The following CCDC80 variants were observed in gnomAD, a reference collection of about 807,000 sequenced individuals.
The protein encoded by CCDC80 is coiled-coil domain containing 80, also known as coiled-coil domain-containing protein 80.
In CCDC80, 49 loss-of-function variants were observed where a neutral mutation model predicts 78.7. The observed-to-expected ratio is 0.62, with a 90% CI of 0.50 to 0.79. The LOEUF (loss-of-function observed/expected upper bound fraction) is 0.79, where lower values mean the gene tolerates loss of function less well. CCDC80 is among the 30% of genes least tolerant of loss of function. The pLI is 0.00. For synonymous variants in CCDC80, 488 were observed against 447.0 expected (o/e 1.09, Z -1.16); for missense variants, 1,205 against 1,198.6 (o/e 1.01, Z -0.08).
chr3:112,631,820 T>C (rs1329239289), intron 2 of CCDC80, among the ~76,000 whole-genome samples: 2 of 152,208 alleles, frequency 1.3e-5, no homozygotes, highest in African/African-American at 4.8e-5. Context: ...CTCAAGGAAA[T>C]TAAACGTGTT....
In CCDC80 at chr3:112,638,893, G is replaced by T; in HGVS notation, c.1013C>A (p.Ala338Glu). 6.2e-7 allele frequency: 1 copy of T among 1,613,572 alleles called. No individual in the cohort carries two copies. The highest frequency in any genetic ancestry group is 8.5e-7 in the Non-Finnish European group (1 of 1,179,994). Residue 338 changes from alanine to glutamate, a missense_variant, in exon 2 of 8, where the codon GCA becomes GAA. By Grantham distance (107) the Ala-to-Glu change is moderately radical. Coordinates refer to ENST00000206423, the MANE Select transcript of CCDC80 (RefSeq NM_199511.3). The stretch of plus-strand genomic sequence containing the variant: ...TGAGGGAGGTTGGGGCAAAGCTGGT[G>T]CAGTGGCGGCCAGTTTTCTCAGGAC... ...VKVLRKLAAT[A>E]PALPQPPSTP...
rs1252338194 is a variant in CCDC80 at position 112,601,114 on chromosome 3, C to CTT, written c.*4302_*4303insAA. The CTT allele has an allele frequency of 2.0e-5, 3 of 152,220 alleles. No homozygotes were observed. The highest frequency in any genetic ancestry group is 6.5e-5 in the Admixed American group (1 of 15,292). 9.4% of individuals were successfully genotyped at this position (152,220 alleles called of 1,614,324 possible). A position where few individuals can be genotyped will look rare whatever the true frequency, so the allele number is the denominator to read the frequency against. ...CTAAAGTCACTTGAGCTTTCTGGAGCTCAGTTACCTGTAAAACAAGGAAGA... is the reference window on the plus strand; with the variant it reads ...CTAAAGTCACTTGAGCTTTCTGGAGCTTTCAGTTACCTGTAAAACAAGGAAGA... On this transcript the variant is annotated 3_prime_UTR_variant, in exon 8 of 8. Coordinates refer to ENST00000206423, the MANE Select transcript of CCDC80 (RefSeq NM_199511.3).
intron 3 of CCDC80, among the ~76,000 whole-genome samples, chr3:112,629,599 T>C (rs1936054051): frequency 1.3e-5 from 2 of 152,318 alleles, no homozygotes; most frequent in South Asian, 2.1e-4. Flanking sequence ...CAAAAGGACT[T>C]GGGTGCAGTT....
At chr3:112,629,237 A>T (rs1363689540) in intron 3 of CCDC80, among the ~76,000 whole-genome samples, 1 of 151,916 alleles carries the variant, frequency 6.6e-6, no homozygotes, top group East Asian at 1.9e-4. Context: ...TACGGAAACT[A>T]TGCAGAATAT....
intron 2 of CCDC80, among the ~76,000 whole-genome samples, chr3:112,631,645 C>T (rs1936101646): frequency 6.6e-6 from 1 of 152,090 alleles, no homozygotes; most frequent in Non-Finnish European, 1.5e-5. Flanking sequence ...TTTCAGAGGG[C>T]AAATCACCAG....
rs1466978018 is a variant in CCDC80, at chr3:112,599,178, T to C, written c.*6239A>G. 6.6e-6 allele frequency: 1 copy of C among 152,188 alleles called. No individual in the cohort carries two copies. Among genetic ancestry groups the C allele is most frequent in the Non-Finnish European group, 1.5e-5 (1 of 68,052 alleles). 9.4% of individuals were successfully genotyped at this position (152,188 alleles called of 1,614,324 possible). On this transcript the variant is annotated 3_prime_UTR_variant, in exon 8 of 8. Transcript: ENST00000206423. ...ACCTCCAGTCACACAGGTAAGTACA[T>C]GGCAGGGCAAGGACAGGCACCCAGT...
At chr3:112,611,875 G>T (rs1576781811) in intron 5 of CCDC80, among the ~76,000 whole-genome samples, 1 of 152,148 alleles carries the variant, frequency 6.6e-6, no homozygotes, top group African/African-American at 2.4e-5. Flanking sequence ...AGCATCAGGA[G>T]TGAACATGAG....
At chr3:112,625,565 T>C (rs943007510) in intron 3 of CCDC80, among the ~76,000 whole-genome samples, 2 of 152,164 alleles carry the variant, frequency 1.3e-5, no homozygotes, top group Non-Finnish European at 2.9e-5. Flanking sequence ...AATTTTTTGA[T>C]AAGAAATGGG....
At chr3:112,629,734 TC>T (rs1016799829) in intron 3 of CCDC80, among the ~76,000 whole-genome samples, 2 of 152,156 alleles carry the variant, frequency 1.3e-5, no homozygotes, top group Admixed American at 6.6e-5. Context: ...CTGTGATGAG[TC>T]ACCTGCAGCG....
Position 112,638,999 on chromosome 3 carries a change from T to G in CCDC80, c.907A>C (p.Arg303=). 1 of 1,611,414 alleles carries G rather than the reference T, an allele frequency of 6.2e-7. No homozygotes were observed. The highest frequency in any genetic ancestry group is 8.5e-7 in the Non-Finnish European group (1 of 1,180,000). Residue 303 remains arginine (R), a synonymous_variant, in exon 2 of 8, where the codon AGG becomes CGG. Transcript: ENST00000206423. The part of the protein sequence containing the change: ...EGNDGGGGAG[R]PSLGSEKKKE... ...TTCTTCTCGCTGCCCAGGCTTGGCC[T>G]TCCTGCTCCCCCTCCACCGTCATTC...
intron 5 of CCDC80, 195 bp from the exon 6 acceptor site, chr3:112,610,276 A>C (rs1559875041): frequency 3.4e-6 from 2 of 593,116 alleles, no homozygotes; most frequent in African/African-American, 3.7e-5. Context: ...TTCTGTTGTA[A>C]CTTCACAGTC....
chr3:112,639,107 G>T lies in CCDC80; in HGVS notation c.799C>A (p.Arg267Ser), dbSNP rs1177012762. Residue 267 changes from arginine to serine, a missense_variant, in exon 2 of 8, where the codon CGT becomes AGT. By Grantham distance (110) the Arg-to-Ser change is moderately radical. Transcript: ENST00000206423. ...MYEVIDQGPI[R>S]RIEKIRQKGF... Reference sequence around the variant, plus strand: ...TTCTGCCTGATCTTCTCGATCCTACGGATGGGGCCTTGGTCGATGACCTCG... The same window carrying T: ...TTCTGCCTGATCTTCTCGATCCTACTGATGGGGCCTTGGTCGATGACCTCG... 2 of 1,614,054 alleles carry T rather than the reference G, an allele frequency of 1.2e-6. No individual in the cohort carries two copies. Among genetic ancestry groups the T allele is most frequent in the Non-Finnish European group, 1.7e-6 (2 of 1,180,024 alleles).
intron 7 of CCDC80, 40 bp from the exon 8 acceptor site, chr3:112,605,803 C>A (rs1212373740): frequency 3.3e-6 from 5 of 1,504,618 alleles, no homozygotes; most frequent in Middle Eastern, 1.7e-4. Flanking sequence ...GTAGATTAAA[C>A]AGTCAGAGCC....
In CCDC80 at chr3:112,597,937, G is replaced by C. The variant is rs1396132317; in HGVS notation, c.*7480C>G. On this transcript the variant is annotated 3_prime_UTR_variant, in exon 8 of 8. Coordinates refer to ENST00000206423, the MANE Select transcript of CCDC80 (RefSeq NM_199511.3). ...TGTCAGTTTTGTATTCCTGGTTCCT[G>C]GAAAAGTACATATAGAATAGTATAA... is the stretch of plus-strand genomic sequence containing the variant. The C allele has an allele frequency of 6.6e-6, 1 of 152,062 alleles. No individual in the cohort carries two copies. Among genetic ancestry groups the C allele is most frequent in the Non-Finnish European group, 1.5e-5 (1 of 68,026 alleles). The allele number at this position is 152,062 out of a possible 1,614,324, so 9.4% of individuals were successfully genotyped here. A position where few individuals can be genotyped will look rare whatever the true frequency, so the allele number is the denominator to read the frequency against.
Position 112,609,985 on chromosome 3 carries a change from G to T in CCDC80, c.2418C>A (p.Cys806Ter). The stretch of plus-strand genomic sequence containing the variant: ...AGGTGGCTTCCCACTCACCAAAATT[G>T]CACGCCTGACCACTGAGGGCAGAGA... Reference protein sequence around the residue: ...QQLSALSGQACNFGLRHITIL... With the variant: ...QQLSALSGQA Residue 806 changes from cysteine to a stop codon, truncating the protein, a stop_gained, in exon 6 of 8, where the codon TGC becomes TGA. Coordinates refer to ENST00000206423, the MANE Select transcript of CCDC80 (RefSeq NM_199511.3). LOFTEE classifies it high-confidence loss of function. 1 of 1,612,652 alleles carries T rather than the reference G, an allele frequency of 6.2e-7. No individual in the cohort carries two copies. Among genetic ancestry groups the T allele is most frequent in the Non-Finnish European group, 8.5e-7 (1 of 1,179,292 alleles).
chr3:112,641,030 C>T lies in CCDC80; in HGVS notation c.-715G>A, dbSNP rs1205061444. 1 of 152,202 alleles carries T rather than the reference C, an allele frequency of 6.6e-6. No individual in the cohort carries two copies. The highest frequency in any genetic ancestry group is 1.5e-5 in the Non-Finnish European group (1 of 68,052). The allele number at this position is 152,202 out of a possible 1,614,324, so 9.4% of individuals were successfully genotyped here. A position where few individuals can be genotyped will look rare whatever the true frequency, so the allele number is the denominator to read the frequency against. ...TTTGCTCCAAACCAAACTCAAACAACAGCAGCCACTGGAAATCAAGGAAAC... is the reference window on the plus strand; with the variant it reads ...TTTGCTCCAAACCAAACTCAAACAATAGCAGCCACTGGAAATCAAGGAAAC... On this transcript the variant is annotated 5_prime_UTR_variant, in exon 1 of 8. Coordinates refer to ENST00000206423, the MANE Select transcript of CCDC80 (RefSeq NM_199511.3).
chr3:112,610,555 A>G (rs2107472809), intron 5 of CCDC80, among the ~76,000 whole-genome samples: 1 of 152,368 alleles, frequency 6.6e-6, no homozygotes, highest in Non-Finnish European at 1.5e-5. Context: ...TAAGTAGATT[A>G]CAGTGACAGG....
In CCDC80 at chr3:112,638,655, T is replaced by C; in HGVS notation, c.1251A>G (p.Pro417=). The change falls in exon 2 of 8, where the codon CCA becomes CCG. Residue 417 remains proline (P), a synonymous_variant. Transcript: ENST00000206423. ...RPSVSENLYP[P]SRKDQHRERP... The stretch of plus-strand genomic sequence containing the variant: ...TCTCCCTGTGCTGATCCTTCCGGGA[T>C]GGAGGGTAAAGATTCTCTGAAACTG... The C allele has an allele frequency of 6.2e-7, 1 of 1,613,944 alleles. No individual in the cohort carries two copies. Among genetic ancestry groups the C allele is most frequent in the Non-Finnish European group, 8.5e-7 (1 of 1,179,994 alleles).
chr3:112,613,488 T>C lies in CCDC80; in HGVS notation c.2321+3222A>G, dbSNP rs1467476194. The stretch of plus-strand genomic sequence containing the variant: ...AAAAGACTTTATAATATTTGTACTT[T>C]CTTGAGAATAAAAAAAAATACAAAA... On this transcript the variant is annotated intron_variant, in intron 5 of 7. Transcript: ENST00000206423. Among the ~76,000 whole-genome samples, 12 of 152,322 alleles carry C rather than the reference T, an allele frequency of 7.9e-5. No homozygotes were observed. In the East Asian group the frequency reaches 1.7e-3, roughly 22 times the overall value.
Sources: allele counts gnomAD v4.1 joint callset (sites outside exome capture counted in the v4.1 genomes callset), GRCh38; gene constraint gnomAD v4.1.1; transcripts MANE v1.5; gene names NCBI Gene and HGNC (gene_info 2026-07-23, HGNC 2026-07-21).